VPS13D: variants seen among roughly 807,000 people sequenced by gnomAD.
VPS13D encodes the protein vacuolar protein sorting 13 homolog D.
Under a neutral mutation model 461.9 loss-of-function variants are expected in VPS13D, and 187 were observed. That is an observed-to-expected ratio of 0.40 (90% CI 0.36 to 0.46). The LOEUF (loss-of-function observed/expected upper bound fraction) is 0.46, where lower values mean the gene tolerates loss of function less well. Among genes scored for constraint, VPS13D ranks in the 20% least tolerant of loss-of-function variants. The probability of loss-of-function intolerance (pLI) is 0.60; values close to 1 mark genes in which losing one functional copy is unlikely to be tolerated. For synonymous variants in VPS13D, 1,951 were observed against 1,986.3 expected, an observed-to-expected ratio of 0.98 and a Z score of 0.47; for missense variants, 4,711 against 5,364.9, an observed-to-expected ratio of 0.88 and a Z score of 3.81.
At chr1:12,476,586 A>G (rs1452272834) in intron 67 of VPS13D, among the ~76,000 whole-genome samples, 1 of 152,256 alleles carries the variant, frequency 6.6e-6, no homozygotes, top group Non-Finnish European at 1.5e-5. Context: ...GAACATGTAT[A>G]TGAATAACTG....
rs1172153769 is a variant in VPS13D at position 12,361,369 on chromosome 1, ATTTT to A, written c.10142-1349_10142-1346del. The stretch of plus-strand genomic sequence containing the variant: ...TCATCCCACTGAATTTTTTATTTTT[ATTTT>A]TATTTATTTATTTATTTATTTATTT... On this transcript the variant is annotated intron_variant, in intron 50 of 69. Transcript: ENST00000620676. Among the ~76,000 whole-genome samples the A allele has an allele frequency of 5.6e-3, 788 of 141,878 alleles. 6 individuals are homozygous for A. Among genetic ancestry groups the A allele is most frequent in the African/African-American group, 0.019 (717 of 36,900 alleles). 93.1% of individuals were successfully genotyped at this position (141,878 alleles called of 152,430 possible).
intron 49 of VPS13D, among the ~76,000 whole-genome samples, chr1:12,357,014 T>C (rs1232184252): frequency 2.0e-5 from 3 of 152,218 alleles, no homozygotes; most frequent in African/African-American, 4.8e-5. Context: ...AGAGCACTCA[T>C]TGCATGTTTA....
At chr1:12,454,995 G>A (rs1645307461) in intron 65 of VPS13D, among the ~76,000 whole-genome samples, 1 of 152,214 alleles carries the variant, frequency 6.6e-6, no homozygotes. Context: ...AGATTGTCTT[G>A]TGACAAAACA....
Position 12,491,717 on chromosome 1 carries a change from G to A in VPS13D, c.12663-5783G>A, listed in dbSNP as rs566525156. Among the ~76,000 whole-genome samples, 8 of 152,282 alleles carry A rather than the reference G, an allele frequency of 5.3e-5. 1 individual carries two copies. The highest frequency in any genetic ancestry group is 1.9e-4 in the African/African-American group (8 of 41,552). On this transcript the variant is annotated intron_variant, in intron 67 of 69. Transcript: ENST00000620676. ...CCACTGTATCCACAGCCCCTTCCCT[G>A]GGGGAAGAGTCCTCCATGCTGTACA...
In VPS13D at chr1:12,327,772, G is replaced by T; in HGVS notation, c.8115G>T (p.Glu2705Asp). ...AVAAPLISGV[E>D]IKAESVCICF... The stretch of plus-strand genomic sequence containing the variant: ...CAGCGCCATTGATCTCTGGCGTGGA[G>T]ATCAAAGCTGAGAGTGTGTGCATCT... The change falls in exon 36 of 70, where the codon GAG becomes GAT. Residue 2705 changes from glutamate (E) to aspartate (D), a missense_variant. Glu to Asp is a conservative substitution (Grantham distance 45, BLOSUM62 2). Transcript: ENST00000620676. 1 of 1,614,168 alleles carries T rather than the reference G, an allele frequency of 6.2e-7. No homozygotes were observed. The highest frequency in any genetic ancestry group is 8.5e-7 in the Non-Finnish European group (1 of 1,180,036).
At chr1:12,390,336 G>A (rs1644408381) in intron 60 of VPS13D, among the ~76,000 whole-genome samples, 1 of 152,104 alleles carries the variant, frequency 6.6e-6, no homozygotes, top group Non-Finnish European at 1.5e-5. Context: ...CATCTAGTTG[G>A]CATTGTAATT....
Position 12,277,957 on chromosome 1 carries a change from T to C in VPS13D, c.4369T>C (p.Ser1457Pro), listed in dbSNP as rs1641665089. 3 of 1,614,068 alleles carry C rather than the reference T, an allele frequency of 1.9e-6. No homozygotes were observed. The highest frequency in any genetic ancestry group is 2.5e-6 in the Non-Finnish European group (3 of 1,180,044). Residue 1457 changes from serine (S) to proline (P), a missense_variant, in exon 19 of 70, where the codon TCC becomes CCC. Ser to Pro is a moderately conservative substitution (Grantham distance 74). Around this residue, in one of 3 missense-constraint regions of VPS13D, gnomAD observed 4,411 missense variants for 4,937.8 expected, o/e 0.89. Coordinates refer to ENST00000620676, the MANE Select transcript of VPS13D (RefSeq NM_015378.4). Reference protein sequence around the residue: ...SEGSRMFCPPSGSGSANSQEE... With the variant: ...SEGSRMFCPPPGSGSANSQEE... ...AGGAAGCCGGATGTTTTGCCCACCT[T>C]CCGGGTCTGGCAGTGCCAACAGTCA...
At chr1:12,399,667 A>T (rs1264942932) in intron 60 of VPS13D, among the ~76,000 whole-genome samples, 1 of 151,720 alleles carries the variant, frequency 6.6e-6, no homozygotes, top group Non-Finnish European at 1.5e-5. Flanking sequence ...TAAAAATATA[A>T]AATTAGCCGG....
At chr1:12,300,031 A>C (rs1642379889) in intron 25 of VPS13D, among the ~76,000 whole-genome samples, 1 of 149,222 alleles carries the variant, frequency 6.7e-6, no homozygotes, top group African/African-American at 2.5e-5. Context: ...CAACCCCCCG[A>C]CTCCGCTCTA....
At chr1:12,326,495 C>T (rs982795419) in intron 35 of VPS13D, among the ~76,000 whole-genome samples, 6 of 151,592 alleles carry the variant, frequency 4.0e-5, no homozygotes, top group Non-Finnish European at 7.4e-5. Context: ...CACCACCATA[C>T]GTGGCTAATT....
chr1:12,352,212 A>G (rs1315100956), intron 46 of VPS13D, among the ~76,000 whole-genome samples: 1 of 151,998 alleles, frequency 6.6e-6, no homozygotes, highest in African/African-American at 2.4e-5. Flanking sequence ...AATCGCTTGA[A>G]TCTGGGAGGC....
chr1:12,275,096 G>A (rs1641568838), intron 18 of VPS13D, among the ~76,000 whole-genome samples: 2 of 152,186 alleles, frequency 1.3e-5, no homozygotes, highest in African/African-American at 4.8e-5. Flanking sequence ...GCAGGCACAT[G>A]TAATCCCAGC....
At chr1:12,254,950 C>CTTT (rs372496241) in intron 7 of VPS13D, among the ~76,000 whole-genome samples, 1 of 142,166 alleles carries the variant, frequency 7.0e-6, no homozygotes, top group Non-Finnish European at 1.6e-5. Context: ...TGGCTTTCTT[C>CTTT]TTTTTTTTTT....
At chr1:12,407,501 A>G (rs1365560894) in intron 63 of VPS13D, among the ~76,000 whole-genome samples, 1 of 152,222 alleles carries the variant, frequency 6.6e-6, no homozygotes, top group Non-Finnish European at 1.5e-5. Context: ...CTGCTGCTTG[A>G]GTAAATAAGC....
At chr1:12,266,781 C>A in intron 13 of VPS13D, 100 bp from the exon 14 acceptor site, 3 of 1,067,108 alleles carry the variant, frequency 2.8e-6, no homozygotes, top group Non-Finnish European at 3.8e-6. Flanking sequence ...AAAAATAGTT[C>A]ATCTATAATA....
At chr1:12,312,001 C>A in intron 29 of VPS13D, 76 bp downstream of exon 29, 1 of 1,205,274 alleles carries the variant, frequency 8.3e-7, no homozygotes, top group Non-Finnish European at 1.2e-6. Context: ...TGACACAGAG[C>A]AGAGGTTGCA....
At chr1:12,428,524 C>A (rs150188741) in intron 65 of VPS13D, among the ~76,000 whole-genome samples, 2 of 152,158 alleles carry the variant, frequency 1.3e-5, no homozygotes, top group Non-Finnish European at 2.9e-5. Flanking sequence ...GTGGACTGTG[C>A]GCCATTTGTC....
At chr1:12,366,067 TA>T (rs1023660732) in intron 52 of VPS13D, among the ~76,000 whole-genome samples, 235 of 143,674 alleles carry the variant, frequency 1.6e-3, no homozygotes, top group Non-Finnish European at 1.5e-3. Flanking sequence ...CTGGCTAATT[TA>T]AAAAAAAAAA....
chr1:12,408,923 C>A (rs1644688646), intron 63 of VPS13D, among the ~76,000 whole-genome samples: 1 of 152,134 alleles, frequency 6.6e-6, no homozygotes, highest in African/African-American at 2.4e-5. Context: ...TGTTAAAGGT[C>A]CAGATTTTTC....
Sources: allele counts gnomAD v4.1 joint callset (sites outside exome capture counted in the v4.1 genomes callset), GRCh38; gene constraint gnomAD v4.1.1; regional missense constraint gnomAD v4.1.1; transcripts MANE v1.5; gene names NCBI Gene and HGNC (gene_info 2026-07-23, HGNC 2026-07-21).